The following LRRC8C variants were observed in gnomAD, a reference collection of about 807,000 sequenced individuals.
The protein encoded by LRRC8C is volume-regulated anion channel subunit LRRC8C.
LRRC8C carries 20 observed loss-of-function variants against 55.3 expected under a neutral mutation model. That is an observed-to-expected ratio of 0.36 (90% confidence interval 0.25 to 0.53). The LOEUF (loss-of-function observed/expected upper bound fraction) is 0.53. Among genes scored for constraint, LRRC8C ranks in the 20% least tolerant of loss-of-function variants. LRRC8C has a pLI of 0.92. For missense variants in LRRC8C, 659 were observed against 951.4 expected (o/e 0.69, Z 4.04); for synonymous variants, 376 against 360.7 (o/e 1.04, Z -0.48).
At chr1:89,656,122 C>T (rs898548115) in intron 1 of LRRC8C, among the ~76,000 whole-genome samples, 1 of 152,242 alleles carries the variant, frequency 6.6e-6, no homozygotes, top group Admixed American at 6.5e-5. Flanking sequence ...AACATGAGGG[C>T]TCTTTCAGTG....
chr1:89,687,530 A>G (rs1460981824), intron 2 of LRRC8C, among the ~76,000 whole-genome samples: 9 of 152,184 alleles, frequency 5.9e-5, no homozygotes, highest in Non-Finnish European at 1.5e-5. Context: ...TCATCCAGGG[A>G]GAATGTGATG....
intron 1 of LRRC8C, among the ~76,000 whole-genome samples, chr1:89,669,161 G>A (rs561843968): frequency 1.3e-5 from 2 of 152,144 alleles, no homozygotes; most frequent in South Asian, 2.1e-4. Context: ...GAATGAGGAC[G>A]TTCTGATAAG....
In LRRC8C at chr1:89,680,302, C is replaced by A. The variant is rs902051174; in HGVS notation, c.-4-6168C>A. 9.2e-5 allele frequency among the ~76,000 whole-genome samples: 14 copies of A among 152,130 alleles called. No homozygotes were observed. In the East Asian group the frequency reaches 1.2e-3, roughly 13 times the overall value. ...CCGTGTTAGCCAGGATGGTCTCGATCTCCTGACCTTGTGATCCGCCCACCT... is the reference window on the plus strand; with the variant it reads ...CCGTGTTAGCCAGGATGGTCTCGATATCCTGACCTTGTGATCCGCCCACCT... On this transcript the variant is annotated intron_variant, in intron 1 of 2. Coordinates refer to ENST00000370454, the MANE Select transcript of LRRC8C (RefSeq NM_032270.5).
chr1:89,656,618 C>T (rs1272714816), intron 1 of LRRC8C, among the ~76,000 whole-genome samples: 1 of 152,104 alleles, frequency 6.6e-6, no homozygotes, highest in African/African-American at 2.4e-5. Context: ...GCATAGGTAA[C>T]ACATGGAGTT....
chr1:89,708,978 G>A (rs1393695534), intron 2 of LRRC8C, among the ~76,000 whole-genome samples: 1 of 152,070 alleles, frequency 6.6e-6, no homozygotes, highest in Non-Finnish European at 1.5e-5. Flanking sequence ...CTCGTTTCTG[G>A]GTGATTAACA....
At chr1:89,656,719 G>A (rs148179990) in intron 1 of LRRC8C, among the ~76,000 whole-genome samples, 590 of 152,314 alleles carry the variant, frequency 3.9e-3, no homozygotes, top group South Asian at 8.9e-3. Flanking sequence ...ACCACAATTT[G>A]GGGGTACTGT....
chr1:89,680,846 C>T (rs761585552), intron 1 of LRRC8C, among the ~76,000 whole-genome samples: 5 of 152,122 alleles, frequency 3.3e-5, no homozygotes, highest in African/African-American at 4.8e-5. Context: ...CAGGCATGAG[C>T]CACTGCACCC....
At chr1:89,625,723 G>T in the LRRC8C span, among the ~76,000 whole-genome samples, 1 of 152,180 alleles carries the variant, frequency 6.6e-6, no homozygotes, top group African/African-American at 2.4e-5. Flanking sequence ...ACCGTGATAA[G>T]GTTTCCTGAG....
rs138261974 is a variant in LRRC8C at position 89,640,147 on chromosome 1, C to T, written c.-5+6825C>T. Among the ~76,000 whole-genome samples, 499 of 152,324 alleles carry T rather than the reference C, an allele frequency of 3.3e-3. 3 individuals carry two copies. The highest frequency in any genetic ancestry group is 0.011 in the African/African-American group (472 of 41,570). ...TGGCACAATCTTAGCTCACTGCAACCGCTGCCTCCTGGGTTCAAGTGATTC... is the reference window on the plus strand; with the variant it reads ...TGGCACAATCTTAGCTCACTGCAACTGCTGCCTCCTGGGTTCAAGTGATTC... On this transcript the variant is annotated intron_variant, in intron 1 of 2. Coordinates refer to ENST00000370454, the MANE Select transcript of LRRC8C (RefSeq NM_032270.5).
chr1:89,625,258 C>T, the LRRC8C span: 1 of 152,128 alleles, frequency 6.6e-6, no homozygotes, highest in South Asian at 2.1e-4. Flanking sequence ...AATTCTCACA[C>T]CAAACAAGCC....
At chr1:89,709,165 T>C (rs1658570568) in intron 2 of LRRC8C, among the ~76,000 whole-genome samples, 1 of 152,246 alleles carries the variant, frequency 6.6e-6, no homozygotes, top group South Asian at 2.1e-4. Context: ...AAAGCCATCC[T>C]AGCGGAAGCT....
chr1:89,618,803 C>A, the LRRC8C span, among the ~76,000 whole-genome samples: 3 of 152,086 alleles, frequency 2.0e-5, no homozygotes, highest in Non-Finnish European at 4.4e-5. Context: ...ATTTACGAGA[C>A]CTTAGTATTT....
chr1:89,666,648 C>G (rs1370897010), intron 1 of LRRC8C, among the ~76,000 whole-genome samples: 1 of 152,140 alleles, frequency 6.6e-6, no homozygotes, highest in African/African-American at 2.4e-5. Flanking sequence ...ATCTGGTGTT[C>G]TCTTCCCCAA....
intron 2 of LRRC8C, among the ~76,000 whole-genome samples, chr1:89,700,435 CGCTTAGCAT>C (rs1337226133): frequency 3.3e-5 from 5 of 152,304 alleles, no homozygotes; most frequent in African/African-American, 1.2e-4. Context: ...TTTCCTATGA[CGCTTAGCAT>C]GTATTACGTT....
At chr1:89,696,007 C>T (rs1050282074) in intron 2 of LRRC8C, among the ~76,000 whole-genome samples, 1 of 152,166 alleles carries the variant, frequency 6.6e-6, no homozygotes, top group Non-Finnish European at 1.5e-5. Flanking sequence ...TACTCTGATC[C>T]TCCCCAATTG....
chr1:89,623,053 G>A, the LRRC8C span, among the ~76,000 whole-genome samples: 1 of 152,126 alleles, frequency 6.6e-6, no homozygotes, highest in Non-Finnish European at 1.5e-5. Flanking sequence ...CTGTTTTCAT[G>A]TTGTGGTTAA....
chr1:89,637,043 T>C (rs972572547), intron 1 of LRRC8C, among the ~76,000 whole-genome samples: 1 of 152,156 alleles, frequency 6.6e-6, no homozygotes, highest in African/African-American at 2.4e-5. Flanking sequence ...CTTTGTTATC[T>C]TGAGACTTGT....
At chr1:89,630,388 AT>A (rs200139769), upstream of LRRC8C, among the ~76,000 whole-genome samples, 960 of 152,298 alleles carry the variant, frequency 6.3e-3, 13 homozygotes, top group African/African-American at 0.021. Flanking sequence ...TTCATTCCAA[AT>A]CCCTTACCAT....
intron 1 of LRRC8C, among the ~76,000 whole-genome samples, chr1:89,666,071 C>T (rs1657253091): frequency 6.6e-6 from 1 of 152,140 alleles, no homozygotes; most frequent in South Asian, 2.1e-4. Context: ...TAAGTACACT[C>T]TATGACATCC....
Sources: gnomAD v4.1 joint callset for allele counts (sites outside exome capture counted in the v4.1 genomes callset) on GRCh38, gnomAD v4.1.1 for gene constraint, MANE v1.5 for transcripts, NCBI Gene and HGNC (gene_info 2026-07-23, HGNC 2026-07-21) for gene names.